The following ABLIM3 variants were observed in gnomAD, a reference collection of about 807,000 sequenced individuals.
ABLIM3 encodes the protein actin binding LIM protein family member 3.
ABLIM3 carries 61 observed loss-of-function variants against 109.5 expected under a neutral mutation model. That is an observed-to-expected ratio of 0.56 (90% CI 0.45 to 0.69). The LOEUF (loss-of-function observed/expected upper bound fraction) is 0.69, where lower values mean the gene tolerates loss of function less well. Ranked by LOEUF, ABLIM3 falls within the 30% of genes least tolerant of loss-of-function variation. The pLI, the probability that ABLIM3 is intolerant of heterozygous loss-of-function variation, is 0.00. For synonymous variants in ABLIM3, 300 were observed against 324.8 expected, an observed-to-expected ratio of 0.92 and a Z score of 0.82; for missense variants, 796 against 889.5, an observed-to-expected ratio of 0.89 and a Z score of 1.34.
At chr5:149,249,939 T>G in intron 19 of ABLIM3, 95 bp downstream of exon 19, 1 of 1,437,934 alleles carries the variant, frequency 7.0e-7, no homozygotes, top group Non-Finnish European at 9.8e-7. Context: ...GACCATACAA[T>G]GTGGATGTCC....
chr5:149,220,622 G>A (rs559927294), intron 8 of ABLIM3: 1 of 152,264 alleles, frequency 6.6e-6, no homozygotes, highest in South Asian at 2.1e-4. Flanking sequence ...ACCAAGTGGG[G>A]ACACCAGGAT....
At chr5:149,227,995 A>G (rs965993129) in intron 8 of ABLIM3, among the ~76,000 whole-genome samples, 5 of 152,198 alleles carry the variant, frequency 3.3e-5, no homozygotes, top group African/African-American at 1.2e-4. Context: ...TCTTCTCGGT[A>G]CAGTAAAACC....
At chr5:149,247,513 G>A in intron 17 of ABLIM3, 1 of 629,594 alleles carries the variant, frequency 1.6e-6, no homozygotes, top group Non-Finnish European at 2.9e-6. Context: ...ATCAATCACT[G>A]TGCCAAGACA....
intron 8 of ABLIM3, among the ~76,000 whole-genome samples, chr5:149,227,517 G>A (rs533835904): frequency 6.6e-6 from 1 of 152,266 alleles, no homozygotes; most frequent in South Asian, 2.1e-4. Flanking sequence ...AATAAATTTA[G>A]AGTGTTATCT....
chr5:149,202,264 C>T (rs1295736469), intron 5 of ABLIM3, among the ~76,000 whole-genome samples: 1 of 152,048 alleles, frequency 6.6e-6, no homozygotes, highest in African/African-American at 2.4e-5. Flanking sequence ...AATGTGTCCA[C>T]CATAATTTGG....
intron 6 of ABLIM3, among the ~76,000 whole-genome samples, chr5:149,209,535 C>G (rs1284525129): frequency 1.3e-5 from 2 of 152,238 alleles, no homozygotes; most frequent in African/African-American, 4.8e-5. Context: ...TTTTACCATC[C>G]TCTTTTAGAA....
intron 2 of ABLIM3, among the ~76,000 whole-genome samples, chr5:149,168,448 G>A (rs1022165053): frequency 2.0e-5 from 3 of 152,262 alleles, no homozygotes; most frequent in South Asian, 2.1e-4. Flanking sequence ...AAGACACGAC[G>A]GAGTGAGGAA....
chr5:149,212,132 A>G (rs1250786513), intron 7 of ABLIM3, among the ~76,000 whole-genome samples: 1 of 152,220 alleles, frequency 6.6e-6, no homozygotes, highest in Non-Finnish European at 1.5e-5. Flanking sequence ...GCCATTGGAG[A>G]GTTTTAAGCC....
intron 3 of ABLIM3, among the ~76,000 whole-genome samples, chr5:149,185,300 GT>G (rs1381742383): frequency 6.6e-6 from 1 of 152,144 alleles, no homozygotes; most frequent in African/African-American, 2.4e-5. Context: ...GCTAACCCCA[GT>G]GTCTCCACAT....
intron 1 of ABLIM3, 111 bp from the exon 2 acceptor site, chr5:149,141,898 C>G: frequency 1.3e-6 from 1 of 749,204 alleles, no homozygotes. Context: ...GCCTATTAGT[C>G]CACGCGCCTT....
intron 10 of ABLIM3, among the ~76,000 whole-genome samples, chr5:149,235,733 A>C (rs1762280906): frequency 6.6e-6 from 1 of 152,134 alleles, no homozygotes; most frequent in South Asian, 2.1e-4. Context: ...TTTTACCCAC[A>C]CACCCCCAGA....
In ABLIM3 at chr5:149,237,512, T is replaced by C; in HGVS notation, c.953T>C (p.Ile318Thr). 6.2e-7 allele frequency: 1 copy of C among 1,614,184 alleles called. No homozygotes were observed. The highest frequency in any genetic ancestry group is 8.5e-7 in the Non-Finnish European group (1 of 1,180,038). The change falls in exon 11 of 24, where the codon ATC becomes ACC. Residue 318 changes from isoleucine to threonine, a missense_variant. Coordinates refer to ENST00000309868, the MANE Select transcript of ABLIM3 (RefSeq NM_014945.5). ...GCGGCTCTCCCCAAGGTTAAGTCTA[T>C]CTACGAGGTACAACGCCCCGACCTC... Reference protein sequence around the residue: ...DLAALPKVKSIYEVQRPDLIS... With the variant: ...DLAALPKVKSTYEVQRPDLIS...
chr5:149,242,644 C>A, intron 15 of ABLIM3, 106 bp downstream of exon 15: 1 of 1,221,900 alleles, frequency 8.2e-7, no homozygotes, highest in Non-Finnish European at 1.2e-6. Context: ...AAACACAAGG[C>A]TGCATCTTGG....
Position 149,225,982 on chromosome 5 carries a change from GTATATATATATATATA to G in ABLIM3, c.758-4637_758-4622del, listed in dbSNP as rs58844908. On this transcript the variant is annotated intron_variant, in intron 8 of 23. Coordinates refer to ENST00000309868, the MANE Select transcript of ABLIM3 (RefSeq NM_014945.5). ...TATGTGTGTGTGTGTGTGTGTGTGT[GTATATATATATATATA>G]TATATATATATATATATATATATAT... Among the ~76,000 whole-genome samples, 41 of 45,510 alleles carry G rather than the reference GTATATATATATATATA, an allele frequency of 9.0e-4. 1 individual carries two copies. Among genetic ancestry groups the G allele is most frequent in the East Asian group, 7.2e-3 (8 of 1,108 alleles). 29.9% of individuals were successfully genotyped at this position (45,510 alleles called of 152,430 possible).
At chr5:149,157,256 T>C (rs1162668007) in intron 2 of ABLIM3, among the ~76,000 whole-genome samples, 3 of 152,158 alleles carry the variant, frequency 2.0e-5, no homozygotes, top group Non-Finnish European at 4.4e-5. Context: ...CAGAGAATGA[T>C]ACTCAGACCA....
intron 19 of ABLIM3, 44 bp downstream of exon 19, chr5:149,249,888 G>A (rs1296655668): frequency 6.2e-7 from 1 of 1,611,174 alleles, no homozygotes; most frequent in Admixed American, 1.7e-5. Flanking sequence ...TGTCCCATGA[G>A]GGACAGAGCT....
intron 9 of ABLIM3, 134 bp downstream of exon 9, chr5:149,230,841 G>T (rs1004853903): frequency 7.2e-5 from 74 of 1,030,806 alleles, no homozygotes; most frequent in Admixed American, 1.2e-4. Context: ...TATGTCCTTG[G>T]ATTTTCCTAA....
chr5:149,172,532 C>T lies in ABLIM3; in HGVS notation c.14-10920C>T, dbSNP rs6859255. ...ATATTCTGTTCTTCCAGATCCTACA[C>T]GCATGTGGTGAGCATGTGACTTCCC... On this transcript the variant is annotated intron_variant, in intron 2 of 23. Coordinates refer to ENST00000309868, the MANE Select transcript of ABLIM3 (RefSeq NM_014945.5). Among the ~76,000 whole-genome samples the T allele has an allele frequency of 2.5e-3, 380 of 152,084 alleles. 2 individuals carry two copies. The highest frequency in any genetic ancestry group is 6.8e-3 in the Middle Eastern group (2 of 294).
chr5:149,251,867 C>T (rs986838105), intron 21 of ABLIM3, among the ~76,000 whole-genome samples: 2 of 152,226 alleles, frequency 1.3e-5, no homozygotes, highest in African/African-American at 4.8e-5. Flanking sequence ...CACATCAGAA[C>T]CTTGAAGGAT....
Sources: allele counts gnomAD v4.1 joint callset (sites outside exome capture counted in the v4.1 genomes callset), GRCh38; gene constraint gnomAD v4.1.1; transcripts MANE v1.5; gene names NCBI Gene and HGNC (gene_info 2026-07-23, HGNC 2026-07-21).